Variants in ARHGEF4 observed in about 807,000 individuals in gnomAD.
ARHGEF4 encodes the protein APC-stimulated guanine nucleotide exchange factor 1.
ARHGEF4 carries 119 observed loss-of-function variants against 162.0 expected under a neutral mutation model. The observed-to-expected ratio is 0.73, with a 90% CI of 0.63 to 0.86. The LOEUF is 0.86. ARHGEF4 is among the 40% of genes least tolerant of loss of function. ARHGEF4 has a pLI of 0.00. For synonymous variants in ARHGEF4, 1,014 were observed against 979.9 expected (o/e 1.03, Z -0.65); for missense variants, 2,488 against 2,456.0 (o/e 1.01, Z -0.28).
At chr2:130,899,863 G>A (rs1447123082) in intron 1 of ARHGEF4, among the ~76,000 whole-genome samples, 2 of 152,224 alleles carry the variant, frequency 1.3e-5, no homozygotes, top group African/African-American at 4.8e-5. Flanking sequence ...GGACTGAGCA[G>A]TGGAGAAGCT....
chr2:130,992,593 G>A (rs1260841670), intron 4 of ARHGEF4, among the ~76,000 whole-genome samples: 2 of 151,906 alleles, frequency 1.3e-5, no homozygotes, highest in African/African-American at 2.4e-5. Context: ...ACCATCAGAA[G>A]GAACAAACTC....
At chr2:131,023,091 A>AAAAAAAAAAAAG (rs1689246717) in intron 4 of ARHGEF4, among the ~76,000 whole-genome samples, 1 of 150,458 alleles carries the variant, frequency 6.6e-6, no homozygotes, top group Non-Finnish European at 1.5e-5. Flanking sequence ...AAAAAAAAAA[A>AAAAAAAAAAAAG]AAAAGAACTT....
At chr2:131,012,981 C>T (rs1195580641) in intron 4 of ARHGEF4, among the ~76,000 whole-genome samples, 2 of 152,170 alleles carry the variant, frequency 1.3e-5, no homozygotes, top group East Asian at 3.9e-4. Flanking sequence ...TATGTAAAAA[C>T]CACACCTTCA....
In ARHGEF4 at chr2:131,044,285, C is replaced by G. The variant is rs776414790; in HGVS notation, c.5158-14C>G. The G allele has an allele frequency of 4.3e-6, 7 of 1,610,194 alleles. No individual in the cohort carries two copies. Among genetic ancestry groups the G allele is most frequent in the South Asian group, 2.2e-5 (2 of 90,196 alleles). On this transcript the variant is annotated splice_polypyrimidine_tract_variant and intron_variant, in intron 11 of 13. Coordinates refer to ENST00000409359, the MANE Select transcript of ARHGEF4 (RefSeq NM_001367493.1). ...AGCGGTTCAGCAGCCAGGGCTGAGG[C>G]CAGCATCTGGCAGGACCTGCTCCGC...
At chr2:130,918,293 C>T (rs1681647368) in intron 2 of ARHGEF4, among the ~76,000 whole-genome samples, 1 of 152,226 alleles carries the variant, frequency 6.6e-6, no homozygotes, top group African/African-American at 2.4e-5. Flanking sequence ...AAGATGGTCT[C>T]TCCCACAAAG....
intron 9 of ARHGEF4, 138 bp downstream of exon 9, chr2:131,041,600 C>T: frequency 9.0e-7 from 1 of 1,105,822 alleles, no homozygotes; most frequent in Non-Finnish European, 1.3e-6. Flanking sequence ...CTGATGAGCT[C>T]CTTGCAATGG....
intron 1 of ARHGEF4, among the ~76,000 whole-genome samples, chr2:130,897,060 C>T (rs1048894760): frequency 5.9e-5 from 9 of 152,312 alleles, no homozygotes; most frequent in Non-Finnish European, 1.0e-4. Flanking sequence ...AGGTCCCAGG[C>T]ACCTGCAGTG....
intron 4 of ARHGEF4, among the ~76,000 whole-genome samples, chr2:130,972,577 C>T (rs1319547357): frequency 1.3e-5 from 2 of 152,308 alleles, no homozygotes; most frequent in Non-Finnish European, 2.9e-5. Context: ...TCATCAGAAG[C>T]CTGCACCCAA....
chr2:130,847,926 G>A (rs985840281), intron 1 of ARHGEF4, among the ~76,000 whole-genome samples: 2 of 152,234 alleles, frequency 1.3e-5, no homozygotes, highest in Non-Finnish European at 2.9e-5. Context: ...AGCCTCAGGA[G>A]TGTGTGGGAT....
chr2:131,016,526 G>A (rs1688785553), intron 4 of ARHGEF4, among the ~76,000 whole-genome samples: 1 of 152,266 alleles, frequency 6.6e-6, no homozygotes, highest in South Asian at 2.1e-4. Flanking sequence ...ACTCTTTAGA[G>A]AAGTTTCTCA....
In ARHGEF4 at chr2:130,978,408, C is replaced by T. The variant is rs1463782735; in HGVS notation, c.3985+31773C>T. 2.6e-5 allele frequency among the ~76,000 whole-genome samples: 4 copies of T among 152,204 alleles called. No homozygotes were observed. In the East Asian group the frequency reaches 7.7e-4, roughly 29 times the overall value. On this transcript the variant is annotated intron_variant, in intron 4 of 13. Coordinates refer to ENST00000409359, the MANE Select transcript of ARHGEF4 (RefSeq NM_001367493.1). ...CAAAGACAAATCACAGCAGGACCAA[C>T]CTAGCTGCATAATAAGTGTCAGTCC...
chr2:130,902,818 A>C (rs1205859089), intron 1 of ARHGEF4, among the ~76,000 whole-genome samples: 1 of 152,148 alleles, frequency 6.6e-6, no homozygotes, highest in Non-Finnish European at 1.5e-5. Flanking sequence ...TCCTCTACAT[A>C]TTTTGAGAAC....
intron 3 of ARHGEF4, among the ~76,000 whole-genome samples, chr2:130,932,343 G>A (rs1682686763): frequency 6.6e-6 from 1 of 152,070 alleles, no homozygotes. Flanking sequence ...TGAGTAGCTG[G>A]GATTACAGGT....
At chr2:131,011,476 G>T (rs1437830767) in intron 4 of ARHGEF4, among the ~76,000 whole-genome samples, 1 of 152,208 alleles carries the variant, frequency 6.6e-6, no homozygotes, top group Non-Finnish European at 1.5e-5. Context: ...GAAAAAAAAT[G>T]CAATTTCTGG....
At chr2:131,009,954 G>A (rs72998308) in intron 4 of ARHGEF4, among the ~76,000 whole-genome samples, 3,191 of 152,130 alleles carry the variant, frequency 0.021, 128 homozygotes, top group African/African-American at 0.073. Context: ...CTCTGAAGAG[G>A]TTTTTGTTTT....
At chr2:131,043,629 G>C (rs781361307) in intron 11 of ARHGEF4, 46 bp downstream of exon 11, 19 of 1,612,160 alleles carry the variant, frequency 1.2e-5, no homozygotes, top group Non-Finnish European at 1.5e-5. Context: ...AGCAAGTGGA[G>C]GGAGGGGAGC....
intron 1 of ARHGEF4, among the ~76,000 whole-genome samples, chr2:130,896,962 A>G (rs1241128397): frequency 6.6e-6 from 1 of 152,056 alleles, no homozygotes; most frequent in Non-Finnish European, 1.5e-5. Context: ...GGTCGCTACT[A>G]AGTTATTGTT....
chr2:130,971,971 G>C (rs955713177), intron 4 of ARHGEF4, among the ~76,000 whole-genome samples: 1 of 152,230 alleles, frequency 6.6e-6, no homozygotes, highest in Non-Finnish European at 1.5e-5. Flanking sequence ...GGCCCCATAA[G>C]CCAGGTACTA....
chr2:130,951,853 A>T (rs1324599343), intron 4 of ARHGEF4, among the ~76,000 whole-genome samples: 1 of 152,056 alleles, frequency 6.6e-6, no homozygotes, highest in African/African-American at 2.4e-5. Context: ...TATGATTGTT[A>T]TGCATATTAT....
Sources: allele counts gnomAD v4.1 joint callset (sites outside exome capture counted in the v4.1 genomes callset), GRCh38; gene constraint gnomAD v4.1.1; transcripts MANE v1.5; gene names NCBI Gene and HGNC (gene_info 2026-07-23, HGNC 2026-07-21).